PLEKHA5: variants seen among roughly 807,000 people sequenced by gnomAD.
PLEKHA5 encodes the protein pleckstrin homology domain containing A5.
In PLEKHA5, 55 loss-of-function variants were observed where a neutral mutation model predicts 181.9. The ratio of observed to expected loss-of-function variants is 0.30; its 90% CI spans 0.24 to 0.38. The LOEUF (loss-of-function observed/expected upper bound fraction) is 0.38, where lower values mean the gene tolerates loss of function less well. PLEKHA5 is among the 10% of genes least tolerant of loss of function. The pLI, the probability that PLEKHA5 is intolerant of heterozygous loss-of-function variation, is 1.00. For synonymous variants in PLEKHA5, 535 were observed against 529.4 expected (o/e 1.01, Z -0.15); for missense variants, 1,432 against 1,549.5 (o/e 0.92, Z 1.27).
intron 28 of PLEKHA5, among the ~76,000 whole-genome samples, chr12:19,359,755 A>T (rs1204200264): frequency 6.7e-6 from 1 of 149,754 alleles, no homozygotes; most frequent in Non-Finnish European, 1.5e-5. Context: ...CGAGGTCAGG[A>T]GATCGAGACC....
At chr12:19,208,435 C>T (rs901634132) in intron 3 of PLEKHA5, among the ~76,000 whole-genome samples, 3 of 151,748 alleles carry the variant, frequency 2.0e-5, no homozygotes, top group Non-Finnish European at 1.5e-5. Flanking sequence ...CATTTTTTCA[C>T]TCGAATTTAA....
chr12:19,156,582 C>A (rs761098637), intron 3 of PLEKHA5, among the ~76,000 whole-genome samples: 31 of 151,824 alleles, frequency 2.0e-4, no homozygotes, highest in Admixed American at 1.3e-4. Flanking sequence ...TAAAATAGAG[C>A]TCCCCAGCAG....
intron 29 of PLEKHA5, among the ~76,000 whole-genome samples, chr12:19,364,566 T>G (rs1034534208): frequency 2.0e-5 from 3 of 152,132 alleles, no homozygotes; most frequent in Admixed American, 6.6e-5. Flanking sequence ...ATAATGGATT[T>G]GAACAATATT....
Position 19,353,864 on chromosome 12 carries a change from A to T in PLEKHA5, c.3020-20A>T. ...GTATAAAAGATGTTTTGTAAAACTT[A>T]CTGCTGTTTTAATTTTTAGGTTCCC... On this transcript the variant is annotated intron_variant, in intron 25 of 31. Transcript: ENST00000429027. 1 of 1,049,802 alleles carries T rather than the reference A, an allele frequency of 9.5e-7. No homozygotes were observed. Among genetic ancestry groups the T allele is most frequent in the Non-Finnish European group, 1.5e-6 (1 of 669,270 alleles). 65.0% of individuals were successfully genotyped at this position (1,049,802 alleles called of 1,614,324 possible).
intron 3 of PLEKHA5, among the ~76,000 whole-genome samples, chr12:19,147,964 T>A (rs1049130881): frequency 7.2e-5 from 11 of 152,228 alleles, no homozygotes; most frequent in Non-Finnish European, 1.5e-4. Flanking sequence ...CTCGAACTCC[T>A]GGGCCCACGC....
intron 3 of PLEKHA5, among the ~76,000 whole-genome samples, chr12:19,226,434 T>C (rs899075517): frequency 6.6e-6 from 1 of 152,214 alleles, no homozygotes; most frequent in Non-Finnish European, 1.5e-5. Context: ...ATACCTGTTT[T>C]TAATTATTTG....
intron 5 of PLEKHA5, among the ~76,000 whole-genome samples, chr12:19,255,760 C>T (rs2066702541): frequency 6.6e-6 from 1 of 150,670 alleles, no homozygotes; most frequent in Admixed American, 6.6e-5. Flanking sequence ...GGATTGAGAG[C>T]CACTAGGTCA....
At chr12:19,339,212 T>C (rs1592549981) in intron 21 of PLEKHA5, among the ~76,000 whole-genome samples, 1 of 152,140 alleles carries the variant, frequency 6.6e-6, no homozygotes, top group East Asian at 2.0e-4. Context: ...GGCTAATTTT[T>C]GTATTTTTAG....
intron 3 of PLEKHA5, among the ~76,000 whole-genome samples, chr12:19,132,864 T>C (rs1158866585): frequency 6.7e-6 from 1 of 149,356 alleles, no homozygotes; most frequent in African/African-American, 2.5e-5. Context: ...AAAGTTTTGA[T>C]CTTTGATTAT....
chr12:19,348,379 T>G lies in PLEKHA5; in HGVS notation c.2899-20T>G, dbSNP rs1480844466. The G allele has an allele frequency of 3.9e-6, 6 of 1,555,694 alleles. No individual in the cohort carries two copies. The highest frequency in any genetic ancestry group is 2.1e-5 in the Admixed American group (1 of 46,834). ...AACTTTTAGCAGTTTTTTAGGGTAA[T>G]TACATGTCTTCCTTTCAAGGGTCCA... On this transcript the variant is annotated intron_variant, in intron 24 of 31. Transcript: ENST00000429027.
chr12:19,328,958 G>T (rs1287741766), intron 20 of PLEKHA5, among the ~76,000 whole-genome samples: 1 of 152,042 alleles, frequency 6.6e-6, no homozygotes, highest in Non-Finnish European at 1.5e-5. Context: ...TCAGTATGAT[G>T]TTGGCTGTAT....
intron 16 of PLEKHA5, among the ~76,000 whole-genome samples, chr12:19,318,905 C>T (rs574586922): frequency 3.3e-5 from 5 of 152,240 alleles, no homozygotes; most frequent in Admixed American, 2.0e-4. Flanking sequence ...TGGGCAATAA[C>T]GAGACTCCAT....
intron 3 of PLEKHA5, among the ~76,000 whole-genome samples, chr12:19,148,072 T>A (rs914320295): frequency 1.3e-5 from 2 of 152,154 alleles, no homozygotes; most frequent in African/African-American, 4.8e-5. Flanking sequence ...TTATTTATTT[T>A]TTGAGACGGA....
chr12:19,348,894 G>A (rs1334810747), intron 25 of PLEKHA5, among the ~76,000 whole-genome samples: 2 of 152,038 alleles, frequency 1.3e-5, no homozygotes, highest in Non-Finnish European at 2.9e-5. Flanking sequence ...CCCAGGAGGT[G>A]CAGGCTGCAG....
intron 11 of PLEKHA5, among the ~76,000 whole-genome samples, chr12:19,281,867 G>A (rs967806929): frequency 3.3e-5 from 5 of 151,824 alleles, no homozygotes; most frequent in South Asian, 4.2e-4. Context: ...CTGCAAGCTC[G>A]GCTTCCTGGG....
intron 3 of PLEKHA5, among the ~76,000 whole-genome samples, chr12:19,203,694 A>G (rs2054713916): frequency 6.6e-6 from 1 of 152,156 alleles, no homozygotes; most frequent in Non-Finnish European, 1.5e-5. Context: ...TAGATTAGTT[A>G]TATGTATATG....
chr12:19,348,071 C>T (rs1412714055), intron 24 of PLEKHA5, among the ~76,000 whole-genome samples: 1 of 151,902 alleles, frequency 6.6e-6, no homozygotes, highest in Non-Finnish European at 1.5e-5. Flanking sequence ...TTAGTAGAGA[C>T]AGGGTTTCAC....
At chr12:19,259,782 A>C (rs2067892887) in intron 6 of PLEKHA5, among the ~76,000 whole-genome samples, 1 of 100,638 alleles carries the variant, frequency 9.9e-6, no homozygotes, top group African/African-American at 3.1e-5. Flanking sequence ...ATCATTTGCC[A>C]TTTAATTTTT....
chr12:19,232,294 G>A (rs1020696682), intron 3 of PLEKHA5, among the ~76,000 whole-genome samples: 3 of 152,064 alleles, frequency 2.0e-5, no homozygotes, highest in Admixed American at 6.6e-5. Flanking sequence ...CCTGAGTGAG[G>A]GAGATTGGGG....
Sources: gnomAD v4.1 joint callset for allele counts (sites outside exome capture counted in the v4.1 genomes callset) on GRCh38, gnomAD v4.1.1 for gene constraint, MANE v1.5 for transcripts, NCBI Gene and HGNC (gene_info 2026-07-23, HGNC 2026-07-21) for gene names.